ZNF148: variants seen among roughly 807,000 people sequenced by gnomAD.
ZNF148 encodes the protein zinc finger protein 148.
A neutral mutation model predicts 67.7 loss-of-function variants in ZNF148; 7 were observed. That is an observed-to-expected ratio of 0.10 (90% CI 0.06 to 0.19). ZNF148 has a LOEUF of 0.19. Ranked by LOEUF, ZNF148 falls within the 10% of genes least tolerant of loss-of-function variation. The pLI, the probability that ZNF148 is intolerant of heterozygous loss-of-function variation, is 1.00. For missense variants in ZNF148, 583 were observed against 947.1 expected, an observed-to-expected ratio of 0.62 and a Z score of 5.05; for synonymous variants, 333 against 330.7, an observed-to-expected ratio of 1.01 and a Z score of -0.08.
chr3:125,335,497 T>C (rs949768620), intron 1 of ZNF148, among the ~76,000 whole-genome samples: 1 of 152,204 alleles, frequency 6.6e-6, no homozygotes, highest in Non-Finnish European at 1.5e-5. Context: ...AAGACTTGAC[T>C]GTCTTAACAA....
Position 125,232,255 on chromosome 3 carries a change from G to A in ZNF148, c.*86C>T, listed in dbSNP as rs1935883001. The A allele has an allele frequency of 1.4e-6, 2 of 1,431,534 alleles. No individual in the cohort carries two copies. Among genetic ancestry groups the A allele is most frequent in the Admixed American group, 2.3e-5 (1 of 42,920 alleles). The allele number at this position is 1,431,534 out of a possible 1,614,324, so 88.7% of individuals were successfully genotyped here. Reference sequence around the variant, plus strand: ...GTTATTACGCATTGCTCTTAAATCTGTACAGCACTCCATTTACACAGAGTA... The same window carrying A: ...GTTATTACGCATTGCTCTTAAATCTATACAGCACTCCATTTACACAGAGTA... On this transcript the variant is annotated 3_prime_UTR_variant, in exon 9 of 9. Transcript: ENST00000360647. The surrounding 1 kb of genome is among the most constrained non-coding windows in gnomAD (Gnocchi z 4.2).
chr3:125,363,902 G>T (rs1350141754), intron 1 of ZNF148, among the ~76,000 whole-genome samples: 1 of 152,022 alleles, frequency 6.6e-6, no homozygotes, highest in Non-Finnish European at 1.5e-5. Context: ...GCCTGCCTCA[G>T]CCTCCCAAAA....
intron 3 of ZNF148, among the ~76,000 whole-genome samples, chr3:125,322,027 CTTTTTT>C (rs35879999): frequency 9.6e-5 from 8 of 82,928 alleles, no homozygotes; most frequent in African/African-American, 2.0e-4. Flanking sequence ...TAATCAACGG[CTTTTTT>C]TTTTTTTTTT....
intron 4 of ZNF148, chr3:125,311,126 T>A (rs1220147462): frequency 1.0e-5 from 2 of 192,326 alleles, no homozygotes; most frequent in Non-Finnish European, 2.3e-5. Context: ...TACAGAAGAG[T>A]AGCTCCATGG....
chr3:125,360,975 G>C (rs530464638), intron 1 of ZNF148, among the ~76,000 whole-genome samples: 1 of 151,840 alleles, frequency 6.6e-6, no homozygotes, highest in Non-Finnish European at 1.5e-5. Context: ...AGGCTGCAGT[G>C]AGCCATGACT....
intron 7 of ZNF148, among the ~76,000 whole-genome samples, chr3:125,265,111 CT>C (rs1937506539): frequency 6.6e-6 from 1 of 152,146 alleles, no homozygotes; most frequent in African/African-American, 2.4e-5. Context: ...AACAAAAATA[CT>C]TTTATTCTGC....
intron 7 of ZNF148, among the ~76,000 whole-genome samples, chr3:125,259,308 A>T (rs1364627848): frequency 6.6e-6 from 1 of 152,254 alleles, no homozygotes; most frequent in Non-Finnish European, 1.5e-5. Flanking sequence ...GTGAGATACT[A>T]GTACACACTT....
chr3:125,310,687 T>C (rs2107668894), intron 4 of ZNF148, among the ~76,000 whole-genome samples: 1 of 152,002 alleles, frequency 6.6e-6, no homozygotes, highest in Non-Finnish European at 1.5e-5. Flanking sequence ...TCTTTGAAAA[T>C]ATCAATAAAA....
intron 1 of ZNF148, among the ~76,000 whole-genome samples, chr3:125,359,348 T>C (rs1365077056): frequency 6.6e-6 from 1 of 152,260 alleles, no homozygotes; most frequent in East Asian, 1.9e-4. Context: ...CTACGTATTT[T>C]GTGCCTTGTC....
At position 125,233,395 on chromosome 3, in the gene ZNF148, A is replaced by G; in HGVS notation, c.1331T>C (p.Ile444Thr). ...ALLDSEGNADIDQVDNLQEGP... is the reference protein window; with the variant it reads ...ALLDSEGNADTDQVDNLQEGP... The stretch of plus-strand genomic sequence containing the variant: ...CTCCTGCAAATTATCAACCTGATCA[A>G]TGTCAGCATTGCCTTCTGAGTCCAG... The change falls in exon 9 of 9, where the codon ATT (isoleucine) becomes ACT (threonine). Residue 444 changes from isoleucine (I) to threonine (T), a missense_variant. Physicochemically the swap from Ile to Thr is moderately conservative, Grantham distance 89. Coordinates refer to ENST00000360647, the MANE Select transcript of ZNF148 (RefSeq NM_021964.3). This position sits in a 1 kb window ranked among gnomAD's most constrained non-coding sequence, Gnocchi z 5.1. The G allele has an allele frequency of 6.2e-7, 1 of 1,613,946 alleles. No homozygotes were observed. Among genetic ancestry groups the G allele is most frequent in the Non-Finnish European group, 8.5e-7 (1 of 1,179,926 alleles).
intron 7 of ZNF148, among the ~76,000 whole-genome samples, chr3:125,277,419 C>T (rs946720166): frequency 1.3e-5 from 2 of 152,096 alleles, no homozygotes; most frequent in Non-Finnish European, 2.9e-5. Flanking sequence ...GACTAATTAA[C>T]GATAATTTTG....
intron 1 of ZNF148, among the ~76,000 whole-genome samples, chr3:125,352,435 G>T (rs1487028032): frequency 6.6e-6 from 1 of 152,140 alleles, no homozygotes; most frequent in Non-Finnish European, 1.5e-5. Context: ...TTTTTAGGGT[G>T]ATGAAACTGT....
At chr3:125,318,695 T>C (rs1440671127) in intron 3 of ZNF148, among the ~76,000 whole-genome samples, 1 of 151,830 alleles carries the variant, frequency 6.6e-6, no homozygotes, top group Non-Finnish European at 1.5e-5. Flanking sequence ...GACTGGAAAA[T>C]GATGTCCAAG....
At chr3:125,349,939 C>A (rs1295757867) in intron 1 of ZNF148, among the ~76,000 whole-genome samples, 1 of 152,196 alleles carries the variant, frequency 6.6e-6, no homozygotes, top group Non-Finnish European at 1.5e-5. Context: ...CAAAAAGATA[C>A]ATGAACTTGT....
At chr3:125,337,246 A>G (rs746575461) in intron 1 of ZNF148, among the ~76,000 whole-genome samples, 25 of 152,188 alleles carry the variant, frequency 1.6e-4, no homozygotes, top group Non-Finnish European at 2.5e-4. Context: ...CTGTCCATCT[A>G]TGTTAGAAAA....
chr3:125,296,003 G>A (rs547034692), intron 4 of ZNF148, among the ~76,000 whole-genome samples: 10 of 150,570 alleles, frequency 6.6e-5, no homozygotes, highest in East Asian at 5.8e-4. Flanking sequence ...ATATCTCTAC[G>A]TAGACATCTT....
intron 4 of ZNF148, among the ~76,000 whole-genome samples, chr3:125,297,137 ATATT>A (rs1560149846): frequency 3.3e-5 from 5 of 151,484 alleles, no homozygotes; most frequent in African/African-American, 9.7e-5. Context: ...ATTAAAAAAA[ATATT>A]ATTATCTTAA....
intron 3 of ZNF148, among the ~76,000 whole-genome samples, chr3:125,320,215 C>T (rs367587644): frequency 2.0e-5 from 3 of 152,266 alleles, no homozygotes; most frequent in East Asian, 3.9e-4. Context: ...ATCTCTCTAC[C>T]TTCCCATTCC....
intron 7 of ZNF148, among the ~76,000 whole-genome samples, chr3:125,272,061 T>C (rs967745038): frequency 3.9e-5 from 6 of 152,332 alleles, no homozygotes; most frequent in South Asian, 2.1e-4. Context: ...CTTTACTACC[T>C]ATGGTTCCTG....
Sources: allele counts gnomAD v4.1 joint callset (sites outside exome capture counted in the v4.1 genomes callset), GRCh38; gene constraint gnomAD v4.1.1; non-coding constraint Gnocchi (gnomAD v3.1); transcripts MANE v1.5; gene names NCBI Gene and HGNC (gene_info 2026-07-23, HGNC 2026-07-21).